TPST1: variants seen among roughly 807,000 people sequenced by gnomAD.
The protein encoded by TPST1 is protein-tyrosine sulfotransferase 1.
TPST1 carries 20 observed loss-of-function variants against 34.8 expected under a neutral mutation model. The observed-to-expected ratio is 0.57, with a 90% CI of 0.40 to 0.84. The LOEUF (loss-of-function observed/expected upper bound fraction) is 0.84, where lower values mean the gene tolerates loss of function less well. Among genes scored for constraint, TPST1 ranks in the 40% least tolerant of loss-of-function variants. TPST1 has a pLI of 0.00. For synonymous variants in TPST1, 152 were observed against 159.4 expected (o/e 0.95, Z 0.35); for missense variants, 353 against 455.5 (o/e 0.78, Z 2.05).
At chr7:66,323,845 C>T (rs912189613) in intron 3 of TPST1, among the ~76,000 whole-genome samples, 3 of 152,100 alleles carry the variant, frequency 2.0e-5, no homozygotes, top group African/African-American at 7.2e-5. Flanking sequence ...ACAGTAGTTC[C>T]TCAAAAAATT....
At chr7:66,347,054 C>CTTTTT (rs1179080237) in intron 3 of TPST1, among the ~76,000 whole-genome samples, 6 of 54,838 alleles carry the variant, frequency 1.1e-4, no homozygotes, top group Admixed American at 2.1e-4. Context: ...TTTTCCTTTG[C>CTTTTT]TTTTCTTTTT....
chr7:66,342,696 G>GGA (rs150021536), intron 3 of TPST1, among the ~76,000 whole-genome samples: 2 of 151,946 alleles, frequency 1.3e-5, no homozygotes, highest in Admixed American at 6.6e-5. Flanking sequence ...CACAGCACAT[G>GGA]GAGAGAGAGA....
intron 2 of TPST1, among the ~76,000 whole-genome samples, chr7:66,284,867 T>A (rs1192994351): frequency 1.3e-5 from 2 of 152,140 alleles, no homozygotes; most frequent in Non-Finnish European, 2.9e-5. Flanking sequence ...TCATCTCTAT[T>A]TCTAATTCAT....
At chr7:66,282,902 T>C (rs1562828513) in intron 2 of TPST1, among the ~76,000 whole-genome samples, 1 of 152,232 alleles carries the variant, frequency 6.6e-6, no homozygotes, top group Non-Finnish European at 1.5e-5. Flanking sequence ...AACACTTGTT[T>C]CTTTTCTCCC....
At chr7:66,230,821 C>G (rs144784833) in intron 1 of TPST1, among the ~76,000 whole-genome samples, 1 of 152,194 alleles carries the variant, frequency 6.6e-6, no homozygotes, top group African/African-American at 2.4e-5. Flanking sequence ...TTGGTAGAGC[C>G]GAGTGGTCTG....
At chr7:66,217,080 A>G (rs963605236) in intron 1 of TPST1, among the ~76,000 whole-genome samples, 2 of 152,164 alleles carry the variant, frequency 1.3e-5, no homozygotes, top group African/African-American at 4.8e-5. Context: ...CAGTGGTTTA[A>G]ATATATTGGG....
At chr7:66,320,245 CTTTTTTTT>C (rs569746911) in intron 3 of TPST1, among the ~76,000 whole-genome samples, 1 of 126,388 alleles carries the variant, frequency 7.9e-6, no homozygotes, top group Non-Finnish European at 1.7e-5. Flanking sequence ...TTTTCTTTTT[CTTTTTTTT>C]TTTTTTTTTT....
chr7:66,282,959 C>T (rs1186008148), intron 2 of TPST1, among the ~76,000 whole-genome samples: 1 of 152,196 alleles, frequency 6.6e-6, no homozygotes, highest in African/African-American at 2.4e-5. Flanking sequence ...TAGCTCTCCT[C>T]ACTTGCTATT....
At chr7:66,313,526 T>G (rs1016272323) in intron 3 of TPST1, among the ~76,000 whole-genome samples, 1 of 152,226 alleles carries the variant, frequency 6.6e-6, no homozygotes, top group African/African-American at 2.4e-5. Flanking sequence ...GATCCTTAGC[T>G]TATGTGGTCT....
At chr7:66,339,306 A>G (rs992541749) in intron 3 of TPST1, among the ~76,000 whole-genome samples, 3 of 152,204 alleles carry the variant, frequency 2.0e-5, no homozygotes, top group African/African-American at 7.2e-5. Context: ...AATCAGGAAG[A>G]AACAAAAGAC....
At chr7:66,344,990 C>T (rs901851630) in intron 3 of TPST1, among the ~76,000 whole-genome samples, 4 of 150,996 alleles carry the variant, frequency 2.6e-5, no homozygotes, top group African/African-American at 9.7e-5. Flanking sequence ...TCCCAAAGTG[C>T]TGGGATTACA....
chr7:66,326,944 A>C (rs1031350029), intron 3 of TPST1, among the ~76,000 whole-genome samples: 4 of 152,358 alleles, frequency 2.6e-5, no homozygotes, highest in African/African-American at 7.2e-5. Context: ...AGATTTGCAA[A>C]GCTGCCAAAA....
intron 2 of TPST1, among the ~76,000 whole-genome samples, chr7:66,278,818 A>G (rs935508084): frequency 1.3e-5 from 2 of 152,158 alleles, no homozygotes; most frequent in Non-Finnish European, 2.9e-5. Context: ...AAAGTTTATC[A>G]TAGAAAATTG....
rs746444440 is a variant in TPST1, at chr7:66,332,778, A to C, written c.1045-19727A>C. Among the ~76,000 whole-genome samples the C allele has an allele frequency of 1.3e-4, 20 of 152,228 alleles. No homozygotes were observed. The highest frequency in any genetic ancestry group is 4.8e-4 in the African/African-American group (20 of 41,460). Reference sequence around the variant, plus strand: ...TAGCATTTGCATTGTATTAGGTGTTATAAGCAGTCTAGAGATGATTTAAAG... The same window carrying C: ...TAGCATTTGCATTGTATTAGGTGTTCTAAGCAGTCTAGAGATGATTTAAAG... On this transcript the variant is annotated intron_variant, in intron 3 of 5. Transcript: ENST00000304842. The surrounding 1 kb of genome is among the most constrained non-coding windows in gnomAD (Gnocchi z 4.5).
chr7:66,230,682 C>A (rs569110383), intron 1 of TPST1, among the ~76,000 whole-genome samples: 1 of 152,190 alleles, frequency 6.6e-6, no homozygotes, highest in African/African-American at 2.4e-5. Context: ...TGAGCAGTAG[C>A]AAGATTTATT....
chr7:66,226,959 C>T (rs1789667702), intron 1 of TPST1, among the ~76,000 whole-genome samples: 1 of 149,092 alleles, frequency 6.7e-6, no homozygotes, highest in African/African-American at 2.5e-5. Context: ...TAGGGATTTC[C>T]TGACAGAAGC....
At chr7:66,268,913 CTTCAGG>C (rs1295850682) in intron 2 of TPST1, among the ~76,000 whole-genome samples, 1 of 152,162 alleles carries the variant, frequency 6.6e-6, no homozygotes, top group Non-Finnish European at 1.5e-5. Context: ...GAACTCCTGA[CTTCAGG>C]TGATCCGCCT....
At position 66,285,891 on chromosome 7, in the gene TPST1, CT is replaced by C. The variant is rs1035598545; in HGVS notation, c.846-612del. On this transcript the variant is annotated intron_variant, in intron 2 of 5. Coordinates refer to ENST00000304842, the MANE Select transcript of TPST1 (RefSeq NM_003596.4). ...GTAATATTGAAAATCAAAAACAGCCCTTTTTTTTCTTCTGTAGAAAATAAGA... is the reference window on the plus strand; with the variant it reads ...GTAATATTGAAAATCAAAAACAGCCCTTTTTTTCTTCTGTAGAAAATAAGA... 7.9e-5 allele frequency among the ~76,000 whole-genome samples: 12 copies of C among 152,008 alleles called. No homozygotes were observed. In the South Asian group the frequency reaches 2.1e-3, roughly 26 times the overall value.
At chr7:66,218,102 C>A (rs1360359688) in intron 1 of TPST1, among the ~76,000 whole-genome samples, 1 of 151,738 alleles carries the variant, frequency 6.6e-6, no homozygotes, top group Non-Finnish European at 1.5e-5. Flanking sequence ...TGGTCTCAAA[C>A]CCCTGACCTC....
Sources: allele counts gnomAD v4.1 joint callset (sites outside exome capture counted in the v4.1 genomes callset), GRCh38; gene constraint gnomAD v4.1.1; non-coding constraint Gnocchi (gnomAD v3.1); transcripts MANE v1.5; gene names NCBI Gene and HGNC (gene_info 2026-07-23, HGNC 2026-07-21).